NCOA2: variants seen among roughly 807,000 people sequenced by gnomAD.
NCOA2 encodes the protein class E basic helix-loop-helix protein 75.
Under a neutral mutation model 145.1 loss-of-function variants are expected in NCOA2, and 21 were observed. That is an observed-to-expected ratio of 0.14 (90% CI 0.10 to 0.21). The LOEUF is 0.21. Among genes scored for constraint, NCOA2 ranks in the 10% least tolerant of loss-of-function variants. NCOA2 has a pLI of 1.00. For synonymous variants in NCOA2, 619 were observed against 637.5 expected (o/e 0.97, Z 0.44); for missense variants, 1,472 against 1,837.6 (o/e 0.80, Z 3.64).
chr8:70,339,572 GA>G (rs916669688), intron 1 of NCOA2, among the ~76,000 whole-genome samples: 3 of 150,396 alleles, frequency 2.0e-5, no homozygotes, highest in South Asian at 2.1e-4. Flanking sequence ...CACAGAATTA[GA>G]AAAAAAAATA....
In NCOA2 at chr8:70,326,917, T is replaced by C. The variant is rs74461298; in HGVS notation, c.-76-30117A>G. Among the ~76,000 whole-genome samples the C allele has an allele frequency of 6.0e-3, 912 of 152,328 alleles. 6 individuals carry two copies. The highest frequency in any genetic ancestry group is 0.02 in the African/African-American group (852 of 41,582). ...ATTAAAGGCCTCAGCTACCTTACTG[T>C]GGTTCTAATACATAACTTATCTCCT... On this transcript the variant is annotated intron_variant, in intron 1 of 22. Transcript: ENST00000452400.
chr8:70,198,666 A>C (rs1221676205), intron 4 of NCOA2, among the ~76,000 whole-genome samples: 1 of 152,208 alleles, frequency 6.6e-6, no homozygotes, highest in Non-Finnish European at 1.5e-5. Flanking sequence ...ACAGTGAGGA[A>C]CTGACAGAGC....
chr8:70,326,809 A>G (rs1455802956), intron 1 of NCOA2, among the ~76,000 whole-genome samples: 1 of 152,234 alleles, frequency 6.6e-6, no homozygotes, highest in Admixed American at 6.5e-5. Context: ...TTCAGCTTTC[A>G]TTAGTTTTAG....
intron 1 of NCOA2, among the ~76,000 whole-genome samples, chr8:70,351,968 T>C (rs941802314): frequency 1.3e-5 from 2 of 148,840 alleles, no homozygotes; most frequent in South Asian, 2.3e-4. Context: ...TTATGCTAAC[T>C]GGGCAATTTT....
Position 70,179,842 on chromosome 8 carries a change from T to A in NCOA2, c.260-4983A>T, listed in dbSNP as rs183192504. Among the ~76,000 whole-genome samples the A allele has an allele frequency of 1.0e-3, 156 of 152,348 alleles. 1 individual carries two copies. The highest frequency in any genetic ancestry group is 2.0e-4 in the Admixed American group (3 of 15,300). On this transcript the variant is annotated intron_variant, in intron 4 of 22. Transcript: ENST00000452400. ...TAAATCAGAGAAAGAGATGATAAAA[T>A]CAAATTTTCAGAGACTACTAGAATA... is the stretch of plus-strand genomic sequence containing the variant.
chr8:70,201,049 CAAAA>C (rs60951750), intron 4 of NCOA2, among the ~76,000 whole-genome samples: 23 of 63,952 alleles, frequency 3.6e-4, no homozygotes, highest in South Asian at 7.1e-4. Context: ...GACTGTGTCT[CAAAA>C]AAAAAAAAAA....
chr8:70,314,180 CAAAAAAAAAAA>C (rs61028027), intron 1 of NCOA2, among the ~76,000 whole-genome samples: 3,544 of 17,108 alleles, frequency 0.21, 79 homozygotes, highest in South Asian at 0.28. Context: ...ACTCTGACTC[CAAAAAAAAAAA>C]AAAAAAAAAA....
the NCOA2 span, among the ~76,000 whole-genome samples, chr8:70,440,583 G>A: frequency 6.6e-6 from 1 of 150,882 alleles, no homozygotes; most frequent in South Asian, 2.1e-4. Flanking sequence ...GAGAGAGAGA[G>A]ACTGAGACAA....
chr8:70,111,649 T>C lies in NCOA2; in HGVS notation c.*1983A>G. 9.2e-6 allele frequency: 2 copies of C among 216,382 alleles called. No homozygotes were observed. Among genetic ancestry groups the C allele is most frequent in the Non-Finnish European group, 9.3e-6 (1 of 107,530 alleles). 13.4% of individuals were successfully genotyped at this position (216,382 alleles called of 1,614,324 possible). Reference sequence around the variant, plus strand: ...AATGCAAATTTCCAGAAAGGTTCTTTAGTATGGAGCAACATTTTCAGACTG... The same window carrying C: ...AATGCAAATTTCCAGAAAGGTTCTTCAGTATGGAGCAACATTTTCAGACTG... On this transcript the variant is annotated 3_prime_UTR_variant, in exon 23 of 23. Transcript: ENST00000452400.
chr8:70,291,939 G>A (rs1409805398), intron 2 of NCOA2, among the ~76,000 whole-genome samples: 2 of 151,804 alleles, frequency 1.3e-5, no homozygotes, highest in Non-Finnish European at 2.9e-5. Flanking sequence ...AGCCGGGTGC[G>A]GTGGCGGGCG....
intron 4 of NCOA2, among the ~76,000 whole-genome samples, chr8:70,176,395 C>T (rs1230983105): frequency 6.6e-6 from 1 of 152,046 alleles, no homozygotes; most frequent in Non-Finnish European, 1.5e-5. Context: ...TTTGTCAGTC[C>T]TTGCTTCATT....
chr8:70,346,042 T>C (rs149930934), intron 1 of NCOA2, among the ~76,000 whole-genome samples: 8 of 152,358 alleles, frequency 5.3e-5, no homozygotes, highest in Non-Finnish European at 1.0e-4. Context: ...TATAGTATTG[T>C]ATATAAAATA....
At chr8:70,345,947 T>C (rs1808591090) in intron 1 of NCOA2, among the ~76,000 whole-genome samples, 1 of 152,096 alleles carries the variant, frequency 6.6e-6, no homozygotes, top group South Asian at 2.1e-4. Flanking sequence ...CCAAACACAA[T>C]GAATGGTTGT....
intron 4 of NCOA2, among the ~76,000 whole-genome samples, chr8:70,206,385 TA>T (rs930521017): frequency 6.6e-6 from 1 of 152,228 alleles, no homozygotes; most frequent in Admixed American, 6.5e-5. Context: ...ATTTAAATTA[TA>T]AAAATAAATG....
At chr8:70,428,755 A>G in the NCOA2 span, among the ~76,000 whole-genome samples, 80 of 152,340 alleles carry the variant, frequency 5.3e-4, no homozygotes, top group East Asian at 0.015. Flanking sequence ...TTAGCTTAGC[A>G]GTGTGCCCAA....
At chr8:70,455,007 C>T in the NCOA2 span, among the ~76,000 whole-genome samples, 1 of 152,152 alleles carries the variant, frequency 6.6e-6, no homozygotes, top group Non-Finnish European at 1.5e-5. Context: ...CAATAATGGG[C>T]TTTCGTACTA....
At chr8:70,364,684 C>T (rs1326474682) in intron 1 of NCOA2, among the ~76,000 whole-genome samples, 1 of 151,108 alleles carries the variant, frequency 6.6e-6, no homozygotes, top group Non-Finnish European at 1.5e-5. Flanking sequence ...AGACTCAAAA[C>T]CAAATGCATC....
chr8:70,279,673 T>C (rs562472230), intron 2 of NCOA2, among the ~76,000 whole-genome samples: 4 of 152,292 alleles, frequency 2.6e-5, no homozygotes, highest in African/African-American at 7.2e-5. Flanking sequence ...CCTGGCAAGA[T>C]TGGCTCAGGA....
At position 70,123,923 on chromosome 8, in the gene NCOA2, G is replaced by A. The variant is rs370887479; in HGVS notation, c.4254C>T (p.Ser1418=). 49 of 1,613,722 alleles carry A rather than the reference G, an allele frequency of 3.0e-5. No individual in the cohort carries two copies. The highest frequency in any genetic ancestry group is 3.6e-5 in the Non-Finnish European group (43 of 1,179,818). ...TGGAGGACAGCCCTGACGTAGGCAC[G>A]GAGGTCACTGAGGTCATGCTGATCT... is the stretch of plus-strand genomic sequence containing the variant. The part of the protein sequence containing the change: ...TGQISMTSVT[S]VPTSGLSSMG... The change falls in exon 21 of 23, where the codon TCC becomes TCT. Residue 1418 remains serine (S), a synonymous_variant. Coordinates refer to ENST00000452400, the MANE Select transcript of NCOA2 (RefSeq NM_006540.4).
Sources: gnomAD v4.1 joint callset for allele counts (sites outside exome capture counted in the v4.1 genomes callset) on GRCh38, gnomAD v4.1.1 for gene constraint, MANE v1.5 for transcripts, NCBI Gene and HGNC (gene_info 2026-07-23, HGNC 2026-07-21) for gene names.